The following QRSL1 variants were observed in gnomAD, a reference collection of about 807,000 sequenced individuals.
QRSL1 encodes the protein glutamyl-tRNA(Gln) amidotransferase subunit A, mitochondrial.
In QRSL1, 54 loss-of-function variants were observed where a neutral mutation model predicts 61.6. That is an observed-to-expected ratio of 0.88 (90% CI 0.70 to 1.10). QRSL1 has a LOEUF of 1.10. Among genes scored for constraint, QRSL1 ranks in the 50% least tolerant of loss-of-function variants. The pLI is 0.00. For synonymous variants in QRSL1, 228 were observed against 225.7 expected, an observed-to-expected ratio of 1.01 and a Z score of -0.09; for missense variants, 505 against 622.6, an observed-to-expected ratio of 0.81 and a Z score of 2.01.
intron 9 of QRSL1, 74 bp downstream of exon 9, chr6:106,655,806 G>T: frequency 1.1e-6 from 1 of 932,210 alleles, no homozygotes; most frequent in Non-Finnish European, 1.7e-6. Context: ...GGTCTTATAA[G>T]TCAAGGTATT....
At chr6:106,650,962 C>G (rs1777180845) in intron 5 of QRSL1, among the ~76,000 whole-genome samples, 1 of 152,150 alleles carries the variant, frequency 6.6e-6, no homozygotes, top group African/African-American at 2.4e-5. Context: ...ATGCACATAA[C>G]ATAAAATGTA....
intron 9 of QRSL1, 135 bp from the exon 10 acceptor site, chr6:106,662,845 A>T: frequency 2.6e-6 from 2 of 759,248 alleles, no homozygotes; most frequent in Non-Finnish European, 4.3e-6. Context: ...AATGGGCATT[A>T]CACAGGCAAG....
Position 106,667,924 on chromosome 6 carries a change from C to T in QRSL1, c.*1922C>T, listed in dbSNP as rs1777466805. 6.7e-6 allele frequency: 1 copy of T among 148,492 alleles called. No individual in the cohort carries two copies. Among genetic ancestry groups the T allele is most frequent in the African/African-American group, 2.5e-5 (1 of 39,996 alleles). The allele number at this position is 148,492 out of a possible 1,614,324, so 9.2% of individuals were successfully genotyped here. A position where few individuals can be genotyped will look rare whatever the true frequency, so the allele number is the denominator to read the frequency against. ...GTCAAAAGCAAGTAAATAAACAAAC[C>T]GTTGCCCCAATCTGTTTTTATGTAA... On this transcript the variant is annotated 3_prime_UTR_variant, in exon 11 of 11. Transcript: ENST00000369046.
intron 1 of QRSL1, among the ~76,000 whole-genome samples, chr6:106,631,301 TA>T (rs1029425017): frequency 3.3e-5 from 5 of 152,322 alleles, no homozygotes; most frequent in East Asian, 3.9e-4. Flanking sequence ...ATACAACCTA[TA>T]AAAATATGTT....
chr6:106,665,993 A>G lies in QRSL1; in HGVS notation c.1578A>G (p.Leu526=). 1.2e-6 allele frequency: 2 copies of G among 1,613,336 alleles called. No homozygotes were observed. Among genetic ancestry groups the G allele is most frequent in the East Asian group, 2.2e-5 (1 of 44,886 alleles). The change falls in exon 11 of 11, where the codon CTA becomes CTG. Residue 526 remains leucine, a synonymous_variant. Transcript: ENST00000369046. The part of the protein sequence containing the change: ...LENEKLASVS[L]KQ ...ATGAAAAGTTAGCCTCTGTCTCTCT[A>G]AAACAGTAAACATATCTTACAAATT...
intron 3 of QRSL1, among the ~76,000 whole-genome samples, chr6:106,641,186 A>G (rs9398098): frequency 0.084 from 12,742 of 152,194 alleles, 587 homozygotes; most frequent in East Asian, 0.11. Context: ...CTAATTACCA[A>G]CTGGGTGCAT....
chr6:106,638,632 G>A (rs568072917), intron 1 of QRSL1, among the ~76,000 whole-genome samples: 34 of 152,220 alleles, frequency 2.2e-4, no homozygotes, highest in Admixed American at 6.5e-4. Context: ...CAAACCATTA[G>A]ACGAACTCTC....
chr6:106,657,951 C>T (rs1004773120), intron 9 of QRSL1, among the ~76,000 whole-genome samples: 1 of 152,168 alleles, frequency 6.6e-6, no homozygotes, highest in Non-Finnish European at 1.5e-5. Flanking sequence ...GATCCGCCCA[C>T]CTCAGCCTCC....
At chr6:106,640,326 T>C (rs1462555392) in intron 1 of QRSL1, 23 bp from the exon 2 acceptor site, 2 of 1,568,100 alleles carry the variant, frequency 1.3e-6, no homozygotes, top group Non-Finnish European at 8.6e-7. Flanking sequence ...CAGTAAAAGG[T>C]TTTTGAATTG....
chr6:106,634,757 C>T (rs1776895168), intron 1 of QRSL1, among the ~76,000 whole-genome samples: 1 of 151,572 alleles, frequency 6.6e-6, no homozygotes, highest in Non-Finnish European at 1.5e-5. Context: ...CAGAGCAAGG[C>T]CCTGTCTCAA....
Position 106,654,921 on chromosome 6 carries a change from T to C in QRSL1, c.1041T>C (p.Tyr347=). The part of the protein sequence containing the change: ...SNMARFDGLQ[Y]GHRCDIDVST... ...TGGCAAGATTTGATGGGCTACAATA[T>C]GGTAAGATGGCTGGGTTATTTTATT... is the stretch of plus-strand genomic sequence containing the variant. The change falls in exon 8 of 11, where the codon TAT becomes TAC. Residue 347 remains tyrosine (Y), a splice_region_variant and synonymous_variant. Transcript: ENST00000369046. 1 of 1,567,596 alleles carries C rather than the reference T, an allele frequency of 6.4e-7. No individual in the cohort carries two copies. Among genetic ancestry groups the C allele is most frequent in the Non-Finnish European group, 8.6e-7 (1 of 1,158,422 alleles).
intron 3 of QRSL1, chr6:106,642,388 C>T (rs373434325): frequency 1.1e-5 from 5 of 449,082 alleles, no homozygotes; most frequent in East Asian, 9.2e-5. Context: ...TTTACATGTT[C>T]GCTGTTTTGT....
intron 4 of QRSL1, among the ~76,000 whole-genome samples, chr6:106,645,158 TCTAA>T (rs1176033933): frequency 2.0e-5 from 3 of 152,202 alleles, no homozygotes; most frequent in Non-Finnish European, 4.4e-5. Flanking sequence ...GTAAGAGTCT[TCTAA>T]CTTTGTTCTT....
rs753177339 is a variant in QRSL1, at chr6:106,663,005, G to A, written c.1186G>A (p.Ala396Thr). ...KENYENYFVK[A>T]QKVRRLIAND... ...AAACTATGAAAATTATTTTGTCAAA[G>A]CACAGAAAGTGAGACGCCTCATTGC... Residue 396 changes from alanine to threonine, a missense_variant, in exon 10 of 11, where the codon GCA (alanine) becomes ACA (threonine). Transcript: ENST00000369046. The A allele has an allele frequency of 1.3e-5, 21 of 1,611,460 alleles. No individual in the cohort carries two copies. The highest frequency in any genetic ancestry group is 1.8e-5 in the Non-Finnish European group (21 of 1,177,578).
At chr6:106,633,154 C>T (rs1380076204) in intron 1 of QRSL1, among the ~76,000 whole-genome samples, 2 of 152,200 alleles carry the variant, frequency 1.3e-5, no homozygotes, top group Admixed American at 1.3e-4. Flanking sequence ...ATTGCTTTTA[C>T]TTTATCACTC....
At chr6:106,655,356 G>A (rs533164413) in intron 8 of QRSL1, among the ~76,000 whole-genome samples, 1 of 152,010 alleles carries the variant, frequency 6.6e-6, no homozygotes, top group Admixed American at 6.6e-5. Context: ...TGACAAAAAT[G>A]TGAATCTAAA....
intron 4 of QRSL1, among the ~76,000 whole-genome samples, chr6:106,644,851 AT>A (rs1277482001): frequency 2.6e-5 from 4 of 152,086 alleles, no homozygotes; most frequent in Admixed American, 1.3e-4. Context: ...GTCACAAAGA[AT>A]TTTTTCCTAG....
Position 106,662,963 on chromosome 6 carries a change from C to T in QRSL1, c.1161-17C>T. On this transcript the variant is annotated splice_polypyrimidine_tract_variant and intron_variant, in intron 9 of 10. Coordinates refer to ENST00000369046, the MANE Select transcript of QRSL1 (RefSeq NM_018292.5). ...TACAAAAAATCCTTAAAAACATCACCTACTTTTTTCCCACAGAAACTATGA... is the reference window on the plus strand; with the variant it reads ...TACAAAAAATCCTTAAAAACATCACTTACTTTTTTCCCACAGAAACTATGA... 1.3e-6 allele frequency: 2 copies of T among 1,564,888 alleles called. No homozygotes were observed. The highest frequency in any genetic ancestry group is 1.8e-6 in the Non-Finnish European group (2 of 1,136,564).
intron 9 of QRSL1, among the ~76,000 whole-genome samples, chr6:106,662,267 T>C (rs1379967435): frequency 6.6e-6 from 1 of 152,210 alleles, no homozygotes; most frequent in African/African-American, 2.4e-5. Flanking sequence ...TGCTGTGTAC[T>C]TTACTTTCCT....
Sources: gnomAD v4.1 joint callset for allele counts (sites outside exome capture counted in the v4.1 genomes callset) on GRCh38, gnomAD v4.1.1 for gene constraint, MANE v1.5 for transcripts, NCBI Gene and HGNC (gene_info 2026-07-23, HGNC 2026-07-21) for gene names.